Variants in CDH4 observed in about 807,000 individuals in gnomAD.
The protein encoded by CDH4 is cadherin-4.
In CDH4, 33 loss-of-function variants were observed where a neutral mutation model predicts 86.0. The ratio of observed to expected loss-of-function variants is 0.38; its 90% CI spans 0.29 to 0.51. The LOEUF (loss-of-function observed/expected upper bound fraction) is 0.51, where lower values mean the gene tolerates loss of function less well. Ranked by LOEUF, CDH4 falls within the 20% of genes least tolerant of loss-of-function variation. The pLI, the probability that CDH4 is intolerant of heterozygous loss-of-function variation, is 0.86. For synonymous variants in CDH4, 555 were observed against 549.4 expected, an observed-to-expected ratio of 1.01 and a Z score of -0.14; for missense variants, 1,114 against 1,307.4, an observed-to-expected ratio of 0.85 and a Z score of 2.28.
At chr20:61,910,049 G>C (rs369563709) in intron 8 of CDH4, among the ~76,000 whole-genome samples, 1 of 152,238 alleles carries the variant, frequency 6.6e-6, no homozygotes, top group African/African-American at 2.4e-5. Flanking sequence ...GTGCACTCCC[G>C]TGCACCCCTG....
chr20:61,332,519 A>G (rs1409363090), intron 2 of CDH4, among the ~76,000 whole-genome samples: 3 of 152,190 alleles, frequency 2.0e-5, no homozygotes, highest in Non-Finnish European at 2.9e-5. Flanking sequence ...TTCTTGGTGC[A>G]TCCCCTTGGC....
chr20:61,387,873 C>A (rs1313187319), intron 2 of CDH4, among the ~76,000 whole-genome samples: 1 of 152,198 alleles, frequency 6.6e-6, no homozygotes, highest in Admixed American at 6.5e-5. Context: ...TGGCCCCGCC[C>A]CAGGTCTCCA....
intron 2 of CDH4, among the ~76,000 whole-genome samples, chr20:61,561,895 G>A (rs746458973): frequency 6.6e-6 from 1 of 152,254 alleles, no homozygotes; most frequent in Non-Finnish European, 1.5e-5. Flanking sequence ...GGCTGCATGC[G>A]CCATGTTTCT....
At chr20:61,637,334 C>T (rs2086958197) in intron 2 of CDH4, among the ~76,000 whole-genome samples, 1 of 152,186 alleles carries the variant, frequency 6.6e-6, no homozygotes, top group African/African-American at 2.4e-5. Flanking sequence ...AGAGAGACCT[C>T]CCCTACCCGC....
chr20:61,815,083 C>T (rs1438789298), intron 4 of CDH4, among the ~76,000 whole-genome samples: 5 of 152,198 alleles, frequency 3.3e-5, no homozygotes, highest in African/African-American at 1.2e-4. Context: ...CTAGGAAATT[C>T]TGCACCCTGA....
At chr20:61,690,642 G>A (rs898801070) in intron 2 of CDH4, among the ~76,000 whole-genome samples, 22 of 152,168 alleles carry the variant, frequency 1.4e-4, no homozygotes, top group African/African-American at 4.1e-4. Flanking sequence ...TTTGGAGGAC[G>A]GGGGGAGTTT....
At chr20:61,699,332 C>T (rs2087748754) in intron 2 of CDH4, among the ~76,000 whole-genome samples, 1 of 152,160 alleles carries the variant, frequency 6.6e-6, no homozygotes, top group South Asian at 2.1e-4. Flanking sequence ...CTCGAACGCC[C>T]CCAGTCATCA....
At position 61,810,790 on chromosome 20, in the gene CDH4, A is replaced by T. The variant is rs1980394470; in HGVS notation, c.577-33878A>T. ...CCCGCAGTCTGCAAGAACTCCTGGG[A>T]CCCCCAGATGCCTCGGTGGTCACTT... On this transcript the variant is annotated intron_variant, in intron 4 of 15. Coordinates refer to ENST00000614565, the MANE Select transcript of CDH4 (RefSeq NM_001794.5). The surrounding 1 kb of genome is among the most constrained non-coding windows in gnomAD (Gnocchi z 4.3). Among the ~76,000 whole-genome samples the T allele has an allele frequency of 6.6e-6, 1 of 151,886 alleles. No individual in the cohort carries two copies. Among genetic ancestry groups the T allele is most frequent in the Admixed American group, 6.6e-5 (1 of 15,258 alleles).
intron 2 of CDH4, among the ~76,000 whole-genome samples, chr20:61,504,562 C>T (rs1487497275): frequency 5.3e-5 from 8 of 152,164 alleles, no homozygotes; most frequent in South Asian, 2.1e-4. Context: ...GCAATGGATC[C>T]GTTTCATCCT....
intron 2 of CDH4, among the ~76,000 whole-genome samples, chr20:61,576,875 A>G (rs1206811034): frequency 6.6e-6 from 1 of 152,258 alleles, no homozygotes; most frequent in Non-Finnish European, 1.5e-5. Context: ...AGTTAGCCCC[A>G]TTAATCCTTG....
intron 4 of CDH4, 43 bp downstream of exon 4, chr20:61,773,225 A>G: frequency 6.8e-7 from 1 of 1,474,898 alleles, no homozygotes; most frequent in South Asian, 1.4e-5. Flanking sequence ...TCTCGGCGTT[A>G]GCAGTAGGCT....
chr20:61,285,796 A>T (rs1358337850), intron 2 of CDH4, among the ~76,000 whole-genome samples: 4 of 152,238 alleles, frequency 2.6e-5, no homozygotes, highest in African/African-American at 9.6e-5. Context: ...GTTCTGCCTC[A>T]TTAGAAGACC....
chr20:61,299,893 G>A (rs1222767660), intron 2 of CDH4, among the ~76,000 whole-genome samples: 1 of 152,184 alleles, frequency 6.6e-6, no homozygotes, highest in African/African-American at 2.4e-5. Context: ...TTCCCCGGGG[G>A]CATGACGCTT....
intron 2 of CDH4, among the ~76,000 whole-genome samples, chr20:61,668,083 TTAGGTC>T (rs1013901506): frequency 5.3e-5 from 8 of 152,232 alleles, no homozygotes; most frequent in African/African-American, 1.9e-4. Flanking sequence ...TCCTAATTTG[TTAGGTC>T]CCTGCTATCT....
chr20:61,392,082 C>T lies in CDH4; in HGVS notation c.169+137145C>T, dbSNP rs915764367. On this transcript the variant is annotated intron_variant, in intron 2 of 15. Transcript: ENST00000614565. This position sits in a 1 kb window ranked among gnomAD's most constrained non-coding sequence, Gnocchi z 5.7. ...GCCGTGGGTTTCAGCATCGCGGGGGCTGTGGAGAAAGGCCTAGAGAGCTTT... is the reference window on the plus strand; with the variant it reads ...GCCGTGGGTTTCAGCATCGCGGGGGTTGTGGAGAAAGGCCTAGAGAGCTTT... Among the ~76,000 whole-genome samples the T allele has an allele frequency of 6.6e-6, 1 of 151,964 alleles. No homozygotes were observed. Among genetic ancestry groups the T allele is most frequent in the African/African-American group, 2.4e-5 (1 of 41,362 alleles).
chr20:61,862,819 TAATGTCATTTTAAAATATTAA>T (rs1271878865), intron 6 of CDH4, among the ~76,000 whole-genome samples: 2 of 152,234 alleles, frequency 1.3e-5, no homozygotes, highest in Non-Finnish European at 2.9e-5. Context: ...GTTTTGAAAT[TAATGTCATTTTAAAATATTAA>T]AAAGCAGGGA....
intron 2 of CDH4, among the ~76,000 whole-genome samples, chr20:61,721,012 A>G (rs572652411): frequency 6.6e-6 from 1 of 152,246 alleles, no homozygotes; most frequent in African/African-American, 2.4e-5. Context: ...CTCCAAGGCC[A>G]CACCATGTGT....
intron 2 of CDH4, among the ~76,000 whole-genome samples, chr20:61,496,397 G>A (rs2085663100): frequency 7.6e-6 from 1 of 131,324 alleles, no homozygotes; most frequent in Non-Finnish European, 1.8e-5. Flanking sequence ...GCAATACCCT[G>A]TCTCAAAAAA....
At chr20:61,679,925 G>C (rs2087491635) in intron 2 of CDH4, among the ~76,000 whole-genome samples, 1 of 152,218 alleles carries the variant, frequency 6.6e-6, no homozygotes, top group East Asian at 1.9e-4. Flanking sequence ...TTGTCTGTCA[G>C]TGGGAACTGC....
Sources: gnomAD v4.1 joint callset for allele counts (sites outside exome capture counted in the v4.1 genomes callset) on GRCh38, gnomAD v4.1.1 for gene constraint, Gnocchi (gnomAD v3.1) non-coding constraint, MANE v1.5 for transcripts, NCBI Gene and HGNC (gene_info 2026-07-23, HGNC 2026-07-21) for gene names.